Variants in UBE2F observed in about 807,000 individuals in gnomAD.
UBE2F encodes the protein ubiquitin conjugating enzyme E2 F (putative).
In UBE2F, 5 loss-of-function variants were observed where a neutral mutation model predicts 29.6. The observed-to-expected ratio is 0.17, with a 90% CI of 0.09 to 0.36. UBE2F has a LOEUF of 0.36. Among genes scored for constraint, UBE2F ranks in the 10% least tolerant of loss-of-function variants. The pLI, the probability that UBE2F is intolerant of heterozygous loss-of-function variation, is 1.00. For missense variants in UBE2F, 141 were observed against 228.5 expected, an observed-to-expected ratio of 0.62 and a Z score of 2.47; for synonymous variants, 66 against 81.8, an observed-to-expected ratio of 0.81 and a Z score of 1.04.
chr2:237,993,239 G>C (rs2063625264), intron 3 of UBE2F, among the ~76,000 whole-genome samples: 1 of 151,940 alleles, frequency 6.6e-6, no homozygotes, highest in Non-Finnish European at 1.5e-5. Flanking sequence ...GCCTGCCTTG[G>C]CCTCCCAAAG....
In UBE2F at chr2:238,025,356, A is replaced by T. The variant is rs371779701; in HGVS notation, c.297A>T (p.Lys99Asn). The change falls in exon 6 of 10, where the codon AAA (lysine) becomes AAT (asparagine). Residue 99 changes from lysine to asparagine, a missense_variant. Coordinates refer to ENST00000272930, the MANE Select transcript of UBE2F (RefSeq NM_080678.3). ...CTGTGTTGCAGCCTCCCAAAGTGAA[A>T]TGCCTGACCAAGATCTGGCACCCCA... Reference protein sequence around the residue: ...DAYNMVPPKVKCLTKIWHPNI... With the variant: ...DAYNMVPPKVNCLTKIWHPNI... The T allele has an allele frequency of 4.3e-6, 7 of 1,613,926 alleles. No individual in the cohort carries two copies. In the African/African-American group the frequency reaches 9.3e-5, roughly 22 times the overall value.
Position 237,967,069 on chromosome 2 carries a change from C to A in UBE2F, c.-80C>A, listed in dbSNP as rs1459760132. Reference sequence around the variant, plus strand: ...GGCTGTGAGGGGCCGCGTCTCGCAGCAGCCGCCCGGACCGGGCATGGTGTT... The same window carrying A: ...GGCTGTGAGGGGCCGCGTCTCGCAGAAGCCGCCCGGACCGGGCATGGTGTT... On this transcript the variant is annotated 5_prime_UTR_variant, in exon 1 of 10. Coordinates refer to ENST00000272930, the MANE Select transcript of UBE2F (RefSeq NM_080678.3). The surrounding 1 kb of genome is among the most constrained non-coding windows in gnomAD (Gnocchi z 6.3). The A allele has an allele frequency of 7.5e-7, 1 of 1,327,008 alleles. No homozygotes were observed. Among genetic ancestry groups the A allele is most frequent in the South Asian group, 1.9e-5 (1 of 53,430 alleles). 82.2% of individuals were successfully genotyped at this position (1,327,008 alleles called of 1,614,324 possible).
chr2:237,975,240 T>C (rs2063257012), intron 2 of UBE2F, among the ~76,000 whole-genome samples: 1 of 152,136 alleles, frequency 6.6e-6, no homozygotes, highest in South Asian at 2.1e-4. Flanking sequence ...TAGTTGGGAC[T>C]ACAAGCGTGC....
chr2:238,025,543 G>C, intron 6 of UBE2F, 131 bp downstream of exon 6: 1 of 819,432 alleles, frequency 1.2e-6, no homozygotes, highest in Non-Finnish European at 2.0e-6. Flanking sequence ...GAACTCAGCT[G>C]AAGTAGCTGC....
At chr2:237,997,751 GT>G (rs1337200286) in intron 4 of UBE2F, among the ~76,000 whole-genome samples, 2 of 152,106 alleles carry the variant, frequency 1.3e-5, no homozygotes, top group African/African-American at 4.8e-5. Context: ...CATTTTGATA[GT>G]TTTGTTTGCT....
At chr2:237,973,361 T>G in intron 2 of UBE2F, 136 bp downstream of exon 2, 1 of 1,016,514 alleles carries the variant, frequency 9.8e-7, no homozygotes, top group South Asian at 1.6e-5. Flanking sequence ...TAATTGCTTA[T>G]CTCTTATAGT....
chr2:238,037,880 T>C (rs1485073101), intron 9 of UBE2F, among the ~76,000 whole-genome samples: 4 of 152,200 alleles, frequency 2.6e-5, no homozygotes, highest in South Asian at 2.1e-4. Flanking sequence ...AAGTGATTAC[T>C]GCACCCGACC....
intron 3 of UBE2F, among the ~76,000 whole-genome samples, chr2:237,989,681 A>G (rs1294894551): frequency 6.6e-6 from 1 of 152,112 alleles, no homozygotes; most frequent in African/African-American, 2.4e-5. Flanking sequence ...TATAGAATTT[A>G]TGGGTAGGTA....
intron 1 of UBE2F, among the ~76,000 whole-genome samples, chr2:237,971,888 G>A (rs7567199): frequency 0.84 from 128,488 of 152,166 alleles, 54,365 homozygotes; most frequent in East Asian, 0.97. Context: ...GGGGCAGGGG[G>A]CGTATGGGAA....
At chr2:238,030,512 C>A in intron 6 of UBE2F, 44 bp from the exon 7 acceptor site, 1 of 1,496,404 alleles carries the variant, frequency 6.7e-7, no homozygotes, top group Non-Finnish European at 9.3e-7. Flanking sequence ...TGCAGGGCAC[C>A]TGTGGCTGCT....
intron 4 of UBE2F, among the ~76,000 whole-genome samples, chr2:237,995,424 C>T (rs1284614646): frequency 6.6e-6 from 1 of 152,178 alleles, no homozygotes; most frequent in African/African-American, 2.4e-5. Context: ...CAATGCAGCT[C>T]CAAGAGCTGC....
Position 237,967,055 on chromosome 2 carries a change from G to T in UBE2F, c.-94G>T. The T allele has an allele frequency of 7.6e-7, 1 of 1,317,544 alleles. No homozygotes were observed. Among genetic ancestry groups the T allele is most frequent in the Non-Finnish European group, 9.7e-7 (1 of 1,033,354 alleles). 81.6% of individuals were successfully genotyped at this position (1,317,544 alleles called of 1,614,324 possible). On this transcript the variant is annotated 5_prime_UTR_variant, in exon 1 of 10. Transcript: ENST00000272930. This position sits in a 1 kb window ranked among gnomAD's most constrained non-coding sequence, Gnocchi z 6.3. ...CCGGGAGCCGGTGCGGCTGTGAGGG[G>T]CCGCGTCTCGCAGCAGCCGCCCGGA...
At chr2:237,970,516 G>A (rs1012977977) in intron 1 of UBE2F, among the ~76,000 whole-genome samples, 1 of 152,156 alleles carries the variant, frequency 6.6e-6, no homozygotes, top group African/African-American at 2.4e-5. Context: ...AAAATGGAAT[G>A]GGAGTGAGAG....
rs1006533607 is a variant in UBE2F, at chr2:237,983,988, T to C, written c.119-3975T>C. ...TCACTTTGCAGGAACCCCTCACCTT[T>C]GCCCTCATTGTGCTCCCAGCCTTGT... On this transcript the variant is annotated intron_variant, in intron 2 of 9. Coordinates refer to ENST00000272930, the MANE Select transcript of UBE2F (RefSeq NM_080678.3). Among the ~76,000 whole-genome samples, 23 of 152,178 alleles carry C rather than the reference T, an allele frequency of 1.5e-4. No individual in the cohort carries two copies. In the East Asian group the frequency reaches 4.3e-3, roughly 28 times the overall value.
chr2:238,037,580 G>A (rs1299217265), intron 9 of UBE2F, among the ~76,000 whole-genome samples: 2 of 152,162 alleles, frequency 1.3e-5, no homozygotes, highest in Non-Finnish European at 2.9e-5. Context: ...TGCCACTGTG[G>A]CAGTCAGTCA....
intron 3 of UBE2F, among the ~76,000 whole-genome samples, chr2:237,993,491 T>C (rs2106351079): frequency 6.6e-6 from 1 of 152,236 alleles, no homozygotes; most frequent in Middle Eastern, 3.4e-3. Context: ...GGTGAGTGGA[T>C]CACTTGAGCA....
At chr2:238,032,884 T>TTTGGAGTGACA (rs1470810295) in intron 8 of UBE2F, among the ~76,000 whole-genome samples, 1 of 152,192 alleles carries the variant, frequency 6.6e-6, no homozygotes, top group African/African-American at 2.4e-5. Context: ...ATGAGGGGAC[T>TTTGGAGTGACA]TTGGAGTGAC....
At chr2:238,002,935 G>A (rs144652172) in intron 4 of UBE2F, among the ~76,000 whole-genome samples, 1,533 of 152,182 alleles carry the variant, frequency 0.01, 15 homozygotes, top group Middle Eastern at 0.027. Flanking sequence ...CCCGGCTGAC[G>A]CATGAATGTT....
At chr2:237,969,854 G>A (rs1397746149) in intron 1 of UBE2F, among the ~76,000 whole-genome samples, 2 of 152,224 alleles carry the variant, frequency 1.3e-5, no homozygotes, top group Non-Finnish European at 2.9e-5. Flanking sequence ...AACTTCATCA[G>A]CTGAACCCAG....
Sources: gnomAD v4.1 joint callset for allele counts (sites outside exome capture counted in the v4.1 genomes callset) on GRCh38, gnomAD v4.1.1 for gene constraint, Gnocchi (gnomAD v3.1) non-coding constraint, MANE v1.5 for transcripts, NCBI Gene and HGNC (gene_info 2026-07-23, HGNC 2026-07-21) for gene names.